DLG2: variants seen among roughly 807,000 people sequenced by gnomAD.
DLG2 encodes discs large MAGUK scaffold protein 2.
DLG2 carries 45 observed loss-of-function variants against 132.5 expected under a neutral mutation model. The observed-to-expected ratio is 0.34, with a 90% CI of 0.27 to 0.44. DLG2 has a LOEUF of 0.44. Ranked by LOEUF, DLG2 falls within the 20% of genes least tolerant of loss-of-function variation. DLG2 has a pLI of 1.00. For missense variants in DLG2, 1,045 were observed against 1,196.9 expected, an observed-to-expected ratio of 0.87 and a Z score of 1.87; for synonymous variants, 424 against 419.6, an observed-to-expected ratio of 1.01 and a Z score of -0.13.
At chr11:84,626,860 T>TTTATTTTA (rs1555110239) in intron 6 of DLG2, among the ~76,000 whole-genome samples, 21 of 145,212 alleles carry the variant, frequency 1.4e-4, no homozygotes, top group African/African-American at 2.3e-4. Context: ...TTTTATTTTA[T>TTTATTTTA]TTTATTTTAT....
chr11:84,815,553 G>A (rs1432070210), intron 6 of DLG2, among the ~76,000 whole-genome samples: 4 of 152,068 alleles, frequency 2.6e-5, no homozygotes, highest in African/African-American at 7.2e-5. Flanking sequence ...TATATGAATC[G>A]CTAGTTTAAA....
At chr11:83,783,561 A>G (rs931095289) in intron 18 of DLG2, among the ~76,000 whole-genome samples, 3 of 152,164 alleles carry the variant, frequency 2.0e-5, no homozygotes, top group African/African-American at 7.2e-5. Flanking sequence ...TGAAAACTCA[A>G]GTGCTGAGGA....
At chr11:83,500,256 G>T (rs760413587) in intron 21 of DLG2, among the ~76,000 whole-genome samples, 8 of 152,062 alleles carry the variant, frequency 5.3e-5, no homozygotes, top group Non-Finnish European at 1.0e-4. Flanking sequence ...TGAATAAATG[G>T]ATGTAAGTAT....
intron 11 of DLG2, among the ~76,000 whole-genome samples, chr11:84,057,703 T>A (rs2096527208): frequency 6.6e-6 from 1 of 152,176 alleles, no homozygotes; most frequent in African/African-American, 2.4e-5. Context: ...CTAATTTTGT[T>A]GGTCGGTCAG....
intron 6 of DLG2, among the ~76,000 whole-genome samples, chr11:84,878,250 G>A (rs547042420): frequency 9.2e-5 from 14 of 152,102 alleles, no homozygotes; most frequent in Admixed American, 3.3e-4. Context: ...CTACTATAAA[G>A]ACATATGCAC....
intron 11 of DLG2, among the ~76,000 whole-genome samples, chr11:84,040,372 T>C (rs2096031892): frequency 6.6e-6 from 1 of 152,060 alleles, no homozygotes; most frequent in African/African-American, 2.4e-5. Flanking sequence ...TTTAAGTCTT[T>C]AATCCATCTT....
intron 3 of DLG2, among the ~76,000 whole-genome samples, chr11:85,344,878 T>G (rs2082723576): frequency 6.6e-6 from 1 of 152,250 alleles, no homozygotes; most frequent in East Asian, 1.9e-4. Context: ...TTTTAAATCT[T>G]AGAGAAAATA....
chr11:84,665,287 T>A (rs2099698712), intron 6 of DLG2, among the ~76,000 whole-genome samples: 1 of 152,140 alleles, frequency 6.6e-6, no homozygotes, highest in South Asian at 2.1e-4. Context: ...ATATATGTGT[T>A]AAATTATTTA....
chr11:84,270,407 C>A (rs1481223756), intron 7 of DLG2, among the ~76,000 whole-genome samples: 1 of 152,144 alleles, frequency 6.6e-6, no homozygotes, highest in African/African-American at 2.4e-5. Context: ...TATGTGAAAT[C>A]AAATCCTGAA....
At chr11:84,307,271 G>A (rs1337004905) in intron 7 of DLG2, among the ~76,000 whole-genome samples, 1 of 152,102 alleles carries the variant, frequency 6.6e-6, no homozygotes, top group Non-Finnish European at 1.5e-5. Flanking sequence ...ATCGCACGTC[G>A]TCACTTATAA....
chr11:84,861,637 A>AC (rs1566183156), intron 6 of DLG2, among the ~76,000 whole-genome samples: 4,320 of 69,318 alleles, frequency 0.062, 106 homozygotes, highest in East Asian at 0.17. Context: ...AAAAAAAAAA[A>AC]AACAAAAAAA....
intron 7 of DLG2, among the ~76,000 whole-genome samples, chr11:84,417,970 C>T (rs1249291266): frequency 6.6e-6 from 1 of 152,158 alleles, no homozygotes. Flanking sequence ...ATACACTTTA[C>T]ATGTAATATA....
chr11:85,430,710 C>T lies in DLG2; in HGVS notation c.41-145345G>A, dbSNP rs536696191. The stretch of plus-strand genomic sequence containing the variant: ...CAGGGTTTATGTTTGTAATTGAATG[C>T]TGTTTTCTGGGCAACTTTCACAGAT... On this transcript the variant is annotated intron_variant, in intron 3 of 27. Coordinates refer to ENST00000376104, the MANE Select transcript of DLG2 (RefSeq NM_001142699.3). 1.1e-4 allele frequency among the ~76,000 whole-genome samples: 16 copies of T among 152,214 alleles called. No homozygotes were observed. The Middle Eastern group carries it at 0.01, about 97-fold the overall frequency.
chr11:85,571,652 C>T (rs1197920564), intron 3 of DLG2, among the ~76,000 whole-genome samples: 3 of 152,168 alleles, frequency 2.0e-5, no homozygotes, highest in Non-Finnish European at 4.4e-5. Context: ...CTCCCAATTT[C>T]ATAAGAAAAA....
intron 27 of DLG2, chr11:83,461,481 C>A (rs1265893190): frequency 6.6e-6 from 1 of 152,194 alleles, no homozygotes; most frequent in Non-Finnish European, 1.5e-5. Context: ...AAAAAAAAAG[C>A]AGTTTTGGTT....
intron 6 of DLG2, among the ~76,000 whole-genome samples, chr11:84,809,807 G>A (rs955733863): frequency 6.6e-6 from 1 of 151,912 alleles, no homozygotes; most frequent in Non-Finnish European, 1.5e-5. Context: ...AACAATTTAA[G>A]AATGAAGTGA....
intron 3 of DLG2, among the ~76,000 whole-genome samples, chr11:85,530,088 A>C (rs1170989365): frequency 7.2e-6 from 1 of 139,152 alleles, no homozygotes; most frequent in African/African-American, 2.7e-5. Context: ...CCTCCACCTC[A>C]TGGGTTCAAG....
chr11:85,512,154 G>C (rs761032241), intron 3 of DLG2, among the ~76,000 whole-genome samples: 20 of 152,048 alleles, frequency 1.3e-4, no homozygotes, highest in Non-Finnish European at 2.1e-4. Context: ...AAGCACAGGA[G>C]AAAGGGCATC....
chr11:84,509,881 T>A (rs901354358), intron 7 of DLG2, among the ~76,000 whole-genome samples: 1 of 151,856 alleles, frequency 6.6e-6, no homozygotes, highest in East Asian at 1.9e-4. Context: ...AAGGAGATAA[T>A]TGAGAAAGGG....
Sources: gnomAD v4.1 joint callset for allele counts (sites outside exome capture counted in the v4.1 genomes callset) on GRCh38, gnomAD v4.1.1 for gene constraint, MANE v1.5 for transcripts, NCBI Gene and HGNC (gene_info 2026-07-23, HGNC 2026-07-21) for gene names.